The following DLGAP1 variants were observed in gnomAD, a reference collection of about 807,000 sequenced individuals.
DLGAP1 encodes disks large-associated protein 1.
A neutral mutation model predicts 90.8 loss-of-function variants in DLGAP1; 11 were observed. That is an observed-to-expected ratio of 0.12 (90% CI 0.08 to 0.20). The LOEUF (loss-of-function observed/expected upper bound fraction) is 0.20, where lower values mean the gene tolerates loss of function less well. Ranked by LOEUF, DLGAP1 falls within the 10% of genes least tolerant of loss-of-function variation. The pLI is 1.00. For synonymous variants in DLGAP1, 558 were observed against 540.7 expected (o/e 1.03, Z -0.44); for missense variants, 1,050 against 1,333.8 (o/e 0.79, Z 3.31).
At chr18:4,414,245 CTATT>C (rs1345566888) in intron 1 of DLGAP1, among the ~76,000 whole-genome samples, 2 of 152,098 alleles carry the variant, frequency 1.3e-5, no homozygotes, top group Non-Finnish European at 2.9e-5. Context: ...TAAATTTAAA[CTATT>C]TATATGAAAT....
At chr18:3,885,560 T>A (rs2071289382) in intron 3 of DLGAP1, 1 of 152,246 alleles carries the variant, frequency 6.6e-6, no homozygotes. Context: ...TGATAACAAT[T>A]GCTGGAAATA....
At chr18:3,574,023 C>T (rs2054961686) in intron 8 of DLGAP1, among the ~76,000 whole-genome samples, 1 of 152,162 alleles carries the variant, frequency 6.6e-6, no homozygotes, top group African/African-American at 2.4e-5. Context: ...ATTTAATACT[C>T]CCTCTTGCAT....
chr18:3,736,523 T>C (rs116592150), intron 6 of DLGAP1, among the ~76,000 whole-genome samples: 1 of 152,158 alleles, frequency 6.6e-6, no homozygotes, highest in Non-Finnish European at 1.5e-5. Context: ...AAATAAGATA[T>C]AATGCACTTA....
chr18:3,786,634 G>A (rs1383435149), intron 5 of DLGAP1, among the ~76,000 whole-genome samples: 1 of 152,136 alleles, frequency 6.6e-6, no homozygotes, highest in South Asian at 2.1e-4. Flanking sequence ...CCAATCACCT[G>A]CAGTCACAGG....
chr18:3,536,123 C>T (rs1340539715), intron 9 of DLGAP1, among the ~76,000 whole-genome samples: 2 of 152,140 alleles, frequency 1.3e-5, no homozygotes, highest in African/African-American at 4.8e-5. Flanking sequence ...AGGGGCAACT[C>T]TTACCAAGTT....
At chr18:4,238,003 G>T (rs1031743292) in intron 1 of DLGAP1, among the ~76,000 whole-genome samples, 3 of 152,144 alleles carry the variant, frequency 2.0e-5, no homozygotes, top group African/African-American at 7.2e-5. Flanking sequence ...CATCCTGGTT[G>T]AGCATCCCAA....
intron 7 of DLGAP1, among the ~76,000 whole-genome samples, chr18:3,664,874 C>T (rs2059821742): frequency 1.3e-5 from 2 of 152,124 alleles, no homozygotes; most frequent in Admixed American, 1.3e-4. Context: ...CCCTTCTCAC[C>T]ATAGCTTTTA....
At chr18:3,820,250 G>A (rs1393666971) in intron 4 of DLGAP1, among the ~76,000 whole-genome samples, 1 of 152,220 alleles carries the variant, frequency 6.6e-6, no homozygotes, top group African/African-American at 2.4e-5. Context: ...AGCCGGGACA[G>A]CTGAAATGAA....
At chr18:4,308,039 T>G (rs2080307767) in intron 1 of DLGAP1, among the ~76,000 whole-genome samples, 1 of 152,168 alleles carries the variant, frequency 6.6e-6, no homozygotes, top group Non-Finnish European at 1.5e-5. Flanking sequence ...TACCTGTCCC[T>G]GTACTACACT....
At chr18:3,950,207 C>T (rs2072956871) in intron 3 of DLGAP1, among the ~76,000 whole-genome samples, 1 of 152,152 alleles carries the variant, frequency 6.6e-6, no homozygotes, top group Non-Finnish European at 1.5e-5. Flanking sequence ...AGAGGCAGAG[C>T]CAGTATTTCA....
At chr18:3,589,525 C>G (rs1244409883) in intron 7 of DLGAP1, among the ~76,000 whole-genome samples, 1 of 151,900 alleles carries the variant, frequency 6.6e-6, no homozygotes, top group Non-Finnish European at 1.5e-5. Flanking sequence ...CATAAGGAAC[C>G]ACAAATAAAA....
At chr18:4,199,801 TA>T (rs2077574202) in intron 1 of DLGAP1, among the ~76,000 whole-genome samples, 1 of 152,212 alleles carries the variant, frequency 6.6e-6, no homozygotes, top group Non-Finnish European at 1.5e-5. Context: ...CTTGATGTTA[TA>T]AAAAGAATGT....
intron 10 of DLGAP1, among the ~76,000 whole-genome samples, chr18:3,523,679 C>G (rs1189438022): frequency 4.6e-5 from 7 of 151,930 alleles, no homozygotes; most frequent in Admixed American, 4.6e-4. Flanking sequence ...AACCCCGTCT[C>G]TACTAAAAAT....
rs1423610211 is a variant in DLGAP1, at chr18:4,383,864, A to G, written c.-267+71142T>C. ...GATGAGATTAAGTGCAACCATTTCAATGGCTCCTACCAAATAAATAAAATA... is the reference window on the plus strand; with the variant it reads ...GATGAGATTAAGTGCAACCATTTCAGTGGCTCCTACCAAATAAATAAAATA... On this transcript the variant is annotated intron_variant, in intron 1 of 12. Coordinates refer to ENST00000315677, the MANE Select transcript of DLGAP1 (RefSeq NM_004746.4). This position sits in a 1 kb window ranked among gnomAD's most constrained non-coding sequence, Gnocchi z 4.0. Among the ~76,000 whole-genome samples the G allele has an allele frequency of 4.6e-5, 7 of 152,122 alleles. No individual in the cohort carries two copies.
intron 1 of DLGAP1, among the ~76,000 whole-genome samples, chr18:4,410,806 C>T (rs1598378134): frequency 6.6e-6 from 1 of 152,102 alleles, no homozygotes; most frequent in East Asian, 1.9e-4. Flanking sequence ...ACGACAACAT[C>T]GATGGATCTC....
rs78970035 is a variant in DLGAP1 at position 3,883,665 on chromosome 18, T to C, written c.-72-3525A>G. On this transcript the variant is annotated intron_variant, in intron 3 of 12. Coordinates refer to ENST00000315677, the MANE Select transcript of DLGAP1 (RefSeq NM_004746.4). ...TTTCCCAAAGTGGTTCATAGTGTGATTCAAGTAGCATCTGTTTAATGAAAA... is the reference window on the plus strand; with the variant it reads ...TTTCCCAAAGTGGTTCATAGTGTGACTCAAGTAGCATCTGTTTAATGAAAA... 1.4e-3 allele frequency among the ~76,000 whole-genome samples: 209 copies of C among 152,368 alleles called. 3 individuals carry two copies. Among genetic ancestry groups the C allele is most frequent in the African/African-American group, 4.8e-3 (198 of 41,586 alleles).
At chr18:4,043,776 C>G (rs188588346) in intron 2 of DLGAP1, among the ~76,000 whole-genome samples, 40 of 152,192 alleles carry the variant, frequency 2.6e-4, no homozygotes, top group Non-Finnish European at 5.9e-4. Context: ...GGGTATCCTT[C>G]AAGGATACAT....
chr18:3,635,023 A>G (rs2058646390), intron 7 of DLGAP1, among the ~76,000 whole-genome samples: 1 of 152,202 alleles, frequency 6.6e-6, no homozygotes, highest in African/African-American at 2.4e-5. Context: ...GTGTATAATA[A>G]ACATAGAAAT....
chr18:3,723,133 G>T (rs1331796036), intron 7 of DLGAP1, among the ~76,000 whole-genome samples: 1 of 152,122 alleles, frequency 6.6e-6, no homozygotes, highest in African/African-American at 2.4e-5. Flanking sequence ...AAACATTCCT[G>T]CAGAGACTAC....
Sources: allele counts gnomAD v4.1 joint callset (sites outside exome capture counted in the v4.1 genomes callset), GRCh38; gene constraint gnomAD v4.1.1; non-coding constraint Gnocchi (gnomAD v3.1); transcripts MANE v1.5; gene names NCBI Gene and HGNC (gene_info 2026-07-23, HGNC 2026-07-21).